The following SHANK2 variants were observed in gnomAD, a reference collection of about 807,000 sequenced individuals.
SHANK2 encodes SH3 and multiple ankyrin repeat domains protein 2.
In SHANK2, 43 loss-of-function variants were observed where a neutral mutation model predicts 133.7. The observed-to-expected ratio is 0.32, with a 90% CI of 0.25 to 0.41. SHANK2 has a LOEUF of 0.41. Among genes scored for constraint, SHANK2 ranks in the 10% least tolerant of loss-of-function variants. The pLI is 1.00. For missense variants in SHANK2, 1,994 were observed against 2,235.8 expected (o/e 0.89, Z 2.18); for synonymous variants, 1,017 against 952.8 (o/e 1.07, Z -1.24).
chr11:71,104,428 G>C (rs1208268167), intron 6 of SHANK2, among the ~76,000 whole-genome samples: 1 of 152,192 alleles, frequency 6.6e-6, no homozygotes, highest in Non-Finnish European at 1.5e-5. Context: ...TGGCCAGGTA[G>C]TGTCTGCATT....
intron 14 of SHANK2, among the ~76,000 whole-genome samples, chr11:70,730,699 C>T (rs146381419): frequency 0.015 from 2,298 of 152,298 alleles, 47 homozygotes; most frequent in African/African-American, 0.052. Flanking sequence ...GAGGCTGCTG[C>T]GGCAGGGCCA....
At chr11:71,125,897 C>CA (rs1952173972) in intron 3 of SHANK2, among the ~76,000 whole-genome samples, 1 of 151,886 alleles carries the variant, frequency 6.6e-6, no homozygotes, top group Admixed American at 6.6e-5. Context: ...ATATATCATT[C>CA]AAAAAAACCG....
intron 10 of SHANK2, among the ~76,000 whole-genome samples, chr11:70,947,224 T>C (rs941741044): frequency 1.4e-4 from 21 of 150,386 alleles, no homozygotes; most frequent in Admixed American, 7.9e-4. Context: ...AGCCCTGCAG[T>C]ACCCAAATGT....
At position 70,768,165 on chromosome 11, in the gene SHANK2, A is replaced by T. The variant is rs1470439; in HGVS notation, c.1777+30278T>A. On this transcript the variant is annotated intron_variant, in intron 14 of 25. Transcript: ENST00000601538. ...GGGGCCAGGAGTGGCATCAAAGAGA[A>T]GGTGCAGCATGCAGTGTAGATGTGA... Among the ~76,000 whole-genome samples the T allele has an allele frequency of 2.2e-4, 33 of 152,292 alleles. No homozygotes were observed. In the East Asian group the frequency reaches 5.0e-3, roughly 23 times the overall value.
At chr11:71,070,988 G>C (rs1951134846) in intron 9 of SHANK2, among the ~76,000 whole-genome samples, 3 of 152,198 alleles carry the variant, frequency 2.0e-5, no homozygotes, top group Non-Finnish European at 4.4e-5. Context: ...GCTCAATACA[G>C]ATCATCAAAA....
intron 11 of SHANK2, among the ~76,000 whole-genome samples, chr11:70,870,893 T>C (rs1442664966): frequency 1.3e-5 from 2 of 152,180 alleles, no homozygotes; most frequent in Non-Finnish European, 2.9e-5. Context: ...TTCTCCTGCC[T>C]CAGCCACCCA....
rs112247976 is a variant in SHANK2, at chr11:70,823,020, T to C, written c.1175-2338A>G. On this transcript the variant is annotated intron_variant, in intron 11 of 25. Coordinates refer to ENST00000601538, the MANE Select transcript of SHANK2 (RefSeq NM_012309.5). ...ACAGAGGTGATGTTGGCAGAGTTCATGGGGGACAGGTGGCGTTGGCAGAGC... is the reference window on the plus strand; with the variant it reads ...ACAGAGGTGATGTTGGCAGAGTTCACGGGGGACAGGTGGCGTTGGCAGAGC... Among the ~76,000 whole-genome samples the C allele has an allele frequency of 4.4e-3, 298 of 67,662 alleles. 11 individuals are homozygous for C. Among genetic ancestry groups the C allele is most frequent in the Middle Eastern group, 0.021 (3 of 140 alleles). The allele number at this position is 67,662 out of a possible 152,430, so 44.4% of individuals were successfully genotyped here. A position where few individuals can be genotyped will look rare whatever the true frequency, so the allele number is the denominator to read the frequency against.
rs189791183 is a variant in SHANK2, at chr11:70,484,067, A to G, written c.4979+1247T>C. On this transcript the variant is annotated intron_variant, in intron 25 of 25. Transcript: ENST00000601538. ...GTCAAAATGATGAAACCCAAGATCA[A>G]ATATCAGTGGGAGAGACTGAAGATG... 7.2e-5 allele frequency among the ~76,000 whole-genome samples: 11 copies of G among 152,358 alleles called. No individual in the cohort carries two copies. The South Asian group carries it at 1.0e-3, about 14-fold the overall frequency.
intron 2 of SHANK2, among the ~76,000 whole-genome samples, chr11:71,153,427 A>T (rs1266257255): frequency 2.6e-5 from 4 of 152,212 alleles, no homozygotes; most frequent in African/African-American, 9.6e-5. Flanking sequence ...AAGCAAGTTC[A>T]ACAAAAACAG....
chr11:70,806,878 C>T (rs1220573694), intron 13 of SHANK2, 124 bp downstream of exon 13: 1 of 605,382 alleles, frequency 1.7e-6, no homozygotes, highest in African/African-American at 1.9e-5. Flanking sequence ...CCATTCCTGC[C>T]CTTCCAGGGG....
At chr11:70,765,693 G>A (rs181530179) in intron 14 of SHANK2, among the ~76,000 whole-genome samples, 344 of 152,318 alleles carry the variant, frequency 2.3e-3, no homozygotes, top group South Asian at 3.9e-3. Flanking sequence ...ATGAGGCTCT[G>A]AAATCCCCTG....
Position 70,535,807 on chromosome 11 carries a change from G to A in SHANK2, c.2062-32876C>T, listed in dbSNP as rs1475853834. On this transcript the variant is annotated intron_variant, in intron 17 of 25. Transcript: ENST00000601538. This position sits in a 1 kb window ranked among gnomAD's most constrained non-coding sequence, Gnocchi z 4.3. The stretch of plus-strand genomic sequence containing the variant: ...AGAGGTTCGGGTGGGCCATCCGCTG[G>A]CAGGGAGCTGGGCCCAGGCACTTGG... Among the ~76,000 whole-genome samples, 2 of 152,254 alleles carry A rather than the reference G, an allele frequency of 1.3e-5. No individual in the cohort carries two copies. Among genetic ancestry groups the A allele is most frequent in the Non-Finnish European group, 2.9e-5 (2 of 68,044 alleles).
chr11:70,545,789 C>A (rs557795634), intron 17 of SHANK2, among the ~76,000 whole-genome samples: 15 of 152,346 alleles, frequency 9.8e-5, no homozygotes, highest in African/African-American at 3.4e-4. Flanking sequence ...TCCCACAAGA[C>A]TGCCCCAGCC....
Position 70,486,857 on chromosome 11 carries a change from G to A in SHANK2, c.3436C>T (p.Pro1146Ser). The change falls in exon 25 of 26, where the codon CCG becomes TCG. Residue 1146 changes from proline (P) to serine (S), a missense_variant. By Grantham distance (74) the Pro-to-Ser change is moderately conservative. This residue lies in a region of SHANK2 where 797 missense variants were observed against 907.4 expected (regional missense o/e 0.88). Transcript: ENST00000601538. This position sits in a 1 kb window ranked among gnomAD's most constrained non-coding sequence, Gnocchi z 8.0. ...DSAEQLSSPM[P>S]SATPREPENH... ...TCGGGCTCCCTGGGCGTGGCACTCG[G>A]CATGGGGGATGACAGCTGCTCAGCG... is the stretch of plus-strand genomic sequence containing the variant. 3.1e-6 allele frequency: 5 copies of A among 1,612,720 alleles called. No individual in the cohort carries two copies. Among genetic ancestry groups the A allele is most frequent in the Non-Finnish European group, 4.2e-6 (5 of 1,179,930 alleles).
Position 70,535,304 on chromosome 11 carries a change from T to A in SHANK2, c.2062-32373A>T, listed in dbSNP as rs1591547896. On this transcript the variant is annotated intron_variant, in intron 17 of 25. Transcript: ENST00000601538. This position sits in a 1 kb window ranked among gnomAD's most constrained non-coding sequence, Gnocchi z 4.3. The stretch of plus-strand genomic sequence containing the variant: ...CCATCCATCCTCTATCCTCCATCAT[T>A]CAGTCCATCCATCACTCTATCCCTC... 6.6e-6 allele frequency among the ~76,000 whole-genome samples: 1 copy of A among 151,942 alleles called. No individual in the cohort carries two copies. Among genetic ancestry groups the A allele is most frequent in the East Asian group, 1.9e-4 (1 of 5,134 alleles).
At chr11:70,503,989 C>T (rs565577795) in intron 17 of SHANK2, among the ~76,000 whole-genome samples, 26 of 152,322 alleles carry the variant, frequency 1.7e-4, no homozygotes, top group African/African-American at 6.0e-4. Context: ...GCCTCTGGCA[C>T]CTTCATCCCA....
At chr11:70,823,326 A>C (rs1431398268) in intron 11 of SHANK2, among the ~76,000 whole-genome samples, 106 of 26,454 alleles carry the variant, frequency 4.0e-3, no homozygotes, top group African/African-American at 5.2e-3. Flanking sequence ...TGGCAGAGTT[A>C]ATGGGGGACA....
intron 11 of SHANK2, among the ~76,000 whole-genome samples, chr11:70,876,856 C>T (rs887814103): frequency 1.3e-5 from 2 of 152,174 alleles, no homozygotes; most frequent in African/African-American, 4.8e-5. Context: ...TGAGGCAGAG[C>T]GCCCTGTCTA....
chr11:70,631,375 T>TACACACAC (rs56370058), intron 17 of SHANK2: 14,218 of 143,258 alleles, frequency 0.099, 796 homozygotes, highest in African/African-American at 0.14. Context: ...TTCCCGGAGT[T>TACACACAC]ACACACACAC....
Sources: allele counts gnomAD v4.1 joint callset (sites outside exome capture counted in the v4.1 genomes callset), GRCh38; gene constraint gnomAD v4.1.1; regional missense constraint gnomAD v4.1.1; non-coding constraint Gnocchi (gnomAD v3.1); transcripts MANE v1.5; gene names NCBI Gene and HGNC (gene_info 2026-07-23, HGNC 2026-07-21).